The following MAP3K7 variants were observed in gnomAD, a reference collection of about 807,000 sequenced individuals.
MAP3K7 encodes mitogen-activated protein kinase kinase kinase 7, also known as TGF-beta activated kinase 1.
MAP3K7 carries 21 observed loss-of-function variants against 84.8 expected under a neutral mutation model. The ratio of observed to expected loss-of-function variants is 0.25; its 90% CI spans 0.18 to 0.36. MAP3K7 has a LOEUF of 0.36. Among genes scored for constraint, MAP3K7 ranks in the 10% least tolerant of loss-of-function variants. The pLI, the probability that MAP3K7 is intolerant of heterozygous loss-of-function variation, is 1.00. For missense variants in MAP3K7, 503 were observed against 747.7 expected (o/e 0.67, Z 3.82); for synonymous variants, 241 against 247.7 (o/e 0.97, Z 0.25).
chr6:90,561,531 T>C, intron 4 of MAP3K7, 91 bp downstream of exon 4: 1 of 922,024 alleles, frequency 1.1e-6, no homozygotes, highest in Non-Finnish European at 1.7e-6. Context: ...TGACGGCAAA[T>C]TGTGAAGAAT....
intron 8 of MAP3K7, chr6:90,551,558 T>C (rs1441709127): frequency 1.3e-5 from 2 of 152,110 alleles, no homozygotes; most frequent in Non-Finnish European, 2.9e-5. Context: ...AACCTGAAAA[T>C]AGGCCAAATA....
intron 1 of MAP3K7, among the ~76,000 whole-genome samples, chr6:90,574,076 C>G (rs1365615619): frequency 6.6e-6 from 1 of 152,192 alleles, no homozygotes; most frequent in Non-Finnish European, 1.5e-5. Flanking sequence ...CTCTGTCTAC[C>G]TATTATCTCT....
intron 2 of MAP3K7, 35 bp from the exon 3 acceptor site, chr6:90,568,658 T>C (rs1298788742): frequency 6.6e-7 from 1 of 1,525,924 alleles, no homozygotes; most frequent in Non-Finnish European, 9.0e-7. Context: ...TAAAAAGTGA[T>C]AACTTTTGAA....
At chr6:90,520,402 G>GT (rs1011807653) in intron 14 of MAP3K7, among the ~76,000 whole-genome samples, 11 of 150,956 alleles carry the variant, frequency 7.3e-5, no homozygotes, top group South Asian at 6.3e-4. Context: ...TTTTGTTTTT[G>GT]TTTTTTTAAA....
chr6:90,573,100 T>C (rs973062921), intron 1 of MAP3K7, among the ~76,000 whole-genome samples: 1 of 152,200 alleles, frequency 6.6e-6, no homozygotes, highest in Non-Finnish European at 1.5e-5. Context: ...ACTAATGCTG[T>C]CCTCATTTTA....
intron 13 of MAP3K7, 140 bp from the exon 14 acceptor site, chr6:90,523,923 T>C (rs538172993): frequency 2.8e-5 from 16 of 564,982 alleles, no homozygotes; most frequent in Admixed American, 8.9e-5. Context: ...TCCTCTCTTA[T>C]ATATATGTAA....
At chr6:90,520,137 T>C (rs981627704) in intron 14 of MAP3K7, among the ~76,000 whole-genome samples, 6 of 152,176 alleles carry the variant, frequency 3.9e-5, no homozygotes, top group Non-Finnish European at 8.8e-5. Flanking sequence ...AGAGTAACTC[T>C]GAAGCAATAC....
intron 7 of MAP3K7, among the ~76,000 whole-genome samples, chr6:90,553,095 G>C (rs1316722738): frequency 1.3e-5 from 2 of 152,126 alleles, no homozygotes; most frequent in East Asian, 3.9e-4. Flanking sequence ...TAACTCTCCA[G>C]TTATATTAAC....
Position 90,542,430 on chromosome 6 carries a change from T to C in MAP3K7, c.1291+2122A>G, listed in dbSNP as rs535054739. 3 of 984,676 alleles carry C rather than the reference T, an allele frequency of 3.0e-6. No individual in the cohort carries two copies. The Admixed American group carries it at 1.8e-4, about 61-fold the overall frequency. The allele number at this position is 984,676 out of a possible 1,614,324, so 61.0% of individuals were successfully genotyped here. On this transcript the variant is annotated intron_variant, in intron 12 of 16. Coordinates refer to ENST00000369329, the MANE Select transcript of MAP3K7 (RefSeq NM_145331.3). ...AATATTTTCATATGAATAGCACTGC[T>C]GCTCTGGCAATTAAGAGAATTAAGG...
rs568662876 is a variant in MAP3K7, at chr6:90,572,399, CATT to C, written c.121-595_121-593del. ...TTACTTACGATATGAACTCCAAAAA[CATT>C]ATGCTAAGTCAAAGAAGTCAGACAC... On this transcript the variant is annotated intron_variant, in intron 1 of 16. Transcript: ENST00000369329. Among the ~76,000 whole-genome samples the C allele has an allele frequency of 1.8e-3, 280 of 151,906 alleles. 1 individual carries two copies. The highest frequency in any genetic ancestry group is 2.1e-3 in the Non-Finnish European group (142 of 67,868).
rs200449319 is a variant in MAP3K7 at position 90,548,057 on chromosome 6, G to C, written c.1070C>G (p.Ala357Gly). The C allele has an allele frequency of 1.8e-5, 29 of 1,609,970 alleles. No homozygotes were observed. Among genetic ancestry groups the C allele is most frequent in the Non-Finnish European group, 2.2e-5 (26 of 1,178,300 alleles). ...AATAACATAACAAACCTGTTGCTTT[G>C]CCTGATTTTTCAACAATTTTGATTC... ...RLESKLLKNQ[A>G]KQQSESGRLS... The change falls in exon 10 of 17, where the codon GCA becomes GGA. Residue 357 changes from alanine (A) to glycine (G), a missense_variant. This residue lies in a region of MAP3K7 where 286 missense variants were observed against 313.6 expected (regional missense o/e 0.91). Transcript: ENST00000369329.
At chr6:90,561,073 G>GT (rs1562100583) in intron 4 of MAP3K7, among the ~76,000 whole-genome samples, 1 of 150,796 alleles carries the variant, frequency 6.6e-6, no homozygotes, top group African/African-American at 2.4e-5. Context: ...AAAATAAAAT[G>GT]TAACAATTTG....
chr6:90,572,956 A>G (rs746465946), intron 1 of MAP3K7, among the ~76,000 whole-genome samples: 1 of 152,230 alleles, frequency 6.6e-6, no homozygotes, highest in African/African-American at 2.4e-5. Context: ...GAACCTAAGC[A>G]CTTTGTATCA....
chr6:90,534,610 A>C lies in MAP3K7; in HGVS notation c.1356+1727T>G, dbSNP rs144847944. 1.1e-3 allele frequency among the ~76,000 whole-genome samples: 169 copies of C among 152,232 alleles called. 1 individual carries two copies. Among genetic ancestry groups the C allele is most frequent in the African/African-American group, 3.7e-3 (154 of 41,572 alleles). ...CTCAGTTCCAGCGTTTTACTACCTGAAGGTATTGTGAATTAAAAGGGTAAC... is the reference window on the plus strand; with the variant it reads ...CTCAGTTCCAGCGTTTTACTACCTGCAGGTATTGTGAATTAAAAGGGTAAC... On this transcript the variant is annotated intron_variant, in intron 13 of 16. Transcript: ENST00000369329.
At chr6:90,567,104 A>C (rs1296433131) in intron 3 of MAP3K7, among the ~76,000 whole-genome samples, 1 of 152,220 alleles carries the variant, frequency 6.6e-6, no homozygotes, top group African/African-American at 2.4e-5. Flanking sequence ...TAAAACCATA[A>C]AAACCCTAGA....
chr6:90,572,433 A>T lies in MAP3K7; in HGVS notation c.121-626T>A, dbSNP rs368166045. Among the ~76,000 whole-genome samples the T allele has an allele frequency of 9.2e-5, 14 of 152,208 alleles. 1 individual carries two copies. The highest frequency in any genetic ancestry group is 7.2e-4 in the Admixed American group (11 of 15,288). On this transcript the variant is annotated intron_variant, in intron 1 of 16. Coordinates refer to ENST00000369329, the MANE Select transcript of MAP3K7 (RefSeq NM_145331.3). ...AAGTCAAAGAAGTCAGACACCAGAG[A>T]CCACATATTGTATGATTCCATTTAT...
At chr6:90,519,108 T>C (rs1459354565) in intron 15 of MAP3K7, 150 bp downstream of exon 15, 1 of 575,158 alleles carries the variant, frequency 1.7e-6, no homozygotes, top group Non-Finnish European at 3.0e-6. Context: ...ACCAAAAGAA[T>C]TATTTTGATT....
rs1774872216 is a variant in MAP3K7 at position 90,513,692 on chromosome 6, G to A, written c.*2809C>T. 1 of 152,072 alleles carries A rather than the reference G, an allele frequency of 6.6e-6. No homozygotes were observed. Among genetic ancestry groups the A allele is most frequent in the African/African-American group, 2.4e-5 (1 of 41,404 alleles). 9.4% of individuals were successfully genotyped at this position (152,072 alleles called of 1,614,324 possible). ...TACATCATTTGACATAAAATGTTCT[G>A]AATGACAGAAGTAGAAGTAGAACTT... On this transcript the variant is annotated 3_prime_UTR_variant, in exon 17 of 17. Transcript: ENST00000369329.
chr6:90,587,037 G>C lies in MAP3K7; in HGVS notation c.-154C>G. 4 of 870,326 alleles carry C rather than the reference G, an allele frequency of 4.6e-6. No homozygotes were observed. The highest frequency in any genetic ancestry group is 3.4e-5 in the East Asian group (1 of 29,362). 53.9% of individuals were successfully genotyped at this position (870,326 alleles called of 1,614,324 possible). ...GGCGGGGGTAGAGGCAGCGGCCACA[G>C]CCGTGTCCGGCTCTGGCTCCGCTGC... On this transcript the variant is annotated 5_prime_UTR_variant, in exon 1 of 17. Coordinates refer to ENST00000369329, the MANE Select transcript of MAP3K7 (RefSeq NM_145331.3).
Sources: allele counts gnomAD v4.1 joint callset (sites outside exome capture counted in the v4.1 genomes callset), GRCh38; gene constraint gnomAD v4.1.1; regional missense constraint gnomAD v4.1.1; transcripts MANE v1.5; gene names NCBI Gene and HGNC (gene_info 2026-07-23, HGNC 2026-07-21).